CASP10: variants seen among roughly 807,000 people sequenced by gnomAD.
CASP10 encodes caspase-10.
Under a neutral mutation model 48.5 loss-of-function variants are expected in CASP10, and 41 were observed. The observed-to-expected ratio is 0.85, with a 90% CI of 0.66 to 1.10. The LOEUF (loss-of-function observed/expected upper bound fraction) is 1.10. CASP10 is among the 50% of genes least tolerant of loss of function. CASP10 has a pLI of 0.00. For missense variants in CASP10, 614 were observed against 614.5 expected, an observed-to-expected ratio of 1.00 and a Z score of 0.01; for synonymous variants, 232 against 238.4, an observed-to-expected ratio of 0.97 and a Z score of 0.25.
In CASP10 at chr2:201,220,070, G is replaced by C; in HGVS notation, c.*2329G>C. 1.0e-6 allele frequency: 1 copy of C among 985,390 alleles called. No individual in the cohort carries two copies. The allele number at this position is 985,390 out of a possible 1,614,324, so 61.0% of individuals were successfully genotyped here. ...AGTCAAATTCATGTACAGTAAATTT[G>C]TTATAAGAATATTCACAAGAACACT... On this transcript the variant is annotated 3_prime_UTR_variant, in exon 10 of 10. Coordinates refer to ENST00000286186, the MANE Select transcript of CASP10 (RefSeq NM_032977.4).
intron 3 of CASP10, among the ~76,000 whole-genome samples, chr2:201,189,457 C>T (rs1944531440): frequency 1.3e-5 from 2 of 151,686 alleles, no homozygotes; most frequent in South Asian, 4.1e-4. Context: ...TTAGTAGAGA[C>T]AGGGTTTCAT....
chr2:201,206,687 C>A (rs1945220155), intron 7 of CASP10, among the ~76,000 whole-genome samples: 1 of 151,058 alleles, frequency 6.6e-6, no homozygotes, highest in Non-Finnish European at 1.5e-5. Flanking sequence ...GTCCTGAACT[C>A]TCAGGCTCAA....
intron 9 of CASP10, among the ~76,000 whole-genome samples, chr2:201,209,805 A>ATCCG (rs1467661110): frequency 1.3e-5 from 2 of 151,738 alleles, no homozygotes; most frequent in Non-Finnish European, 1.5e-5. Context: ...CCATCCATCC[A>ATCCG]GCAACCTTGT....
intron 3 of CASP10, among the ~76,000 whole-genome samples, chr2:201,190,817 A>G (rs1326826606): frequency 6.6e-6 from 1 of 151,978 alleles, no homozygotes; most frequent in Non-Finnish European, 1.5e-5. Flanking sequence ...CACAGGTTCT[A>G]GAACTCTACT....
At chr2:201,186,524 C>A in intron 2 of CASP10, 1 of 199,794 alleles carries the variant, frequency 5.0e-6, no homozygotes. Context: ...GTGAAATAAG[C>A]AAGATGAAAA....
At chr2:201,205,318 G>A (rs1945164628) in intron 6 of CASP10, among the ~76,000 whole-genome samples, 1 of 150,372 alleles carries the variant, frequency 6.7e-6, no homozygotes, top group Non-Finnish European at 1.5e-5. Context: ...TTGACCCCTC[G>A]GACTCAGGTG....
chr2:201,218,096 T>C lies in CASP10; in HGVS notation c.*355T>C. On this transcript the variant is annotated 3_prime_UTR_variant, in exon 10 of 10. Coordinates refer to ENST00000286186, the MANE Select transcript of CASP10 (RefSeq NM_032977.4). ...GCCCGGATTTTTTTTATTCTTTATT[T>C]TTTGTAGAGATGGAGGGATCTCACT... 1.3e-6 allele frequency: 1 copy of C among 763,448 alleles called. No individual in the cohort carries two copies. Among genetic ancestry groups the C allele is most frequent in the Non-Finnish European group, 1.7e-6 (1 of 575,446 alleles). 47.3% of individuals were successfully genotyped at this position (763,448 alleles called of 1,614,324 possible). A position where few individuals can be genotyped will look rare whatever the true frequency, so the allele number is the denominator to read the frequency against.
In CASP10 at chr2:201,208,270, A is replaced by G. The variant is rs1576124009; in HGVS notation, c.922+87A>G. The G allele has an allele frequency of 5.3e-6, 8 of 1,508,534 alleles. No individual in the cohort carries two copies. In the South Asian group the frequency reaches 1.0e-4, roughly 20 times the overall value. The allele number at this position is 1,508,534 out of a possible 1,614,324, so 93.4% of individuals were successfully genotyped here. A position where few individuals can be genotyped will look rare whatever the true frequency, so the allele number is the denominator to read the frequency against. ...TTCACATTTTCTTTCTGTGACTTTTATCTTCCATATACGTGTAAGGATGAT... is the reference window on the plus strand; with the variant it reads ...TTCACATTTTCTTTCTGTGACTTTTGTCTTCCATATACGTGTAAGGATGAT... On this transcript the variant is annotated intron_variant, in intron 8 of 9. Transcript: ENST00000286186.
chr2:201,197,334 G>T (rs537017856), intron 5 of CASP10, among the ~76,000 whole-genome samples: 98 of 152,192 alleles, frequency 6.4e-4, no homozygotes, highest in South Asian at 1.9e-3. Flanking sequence ...ACAAGAGTTG[G>T]CCAGGCATGG....
In CASP10 at chr2:201,203,582, C is replaced by T. The variant is rs563893533; in HGVS notation, c.685-148C>T. On this transcript the variant is annotated intron_variant, in intron 5 of 9. Coordinates refer to ENST00000286186, the MANE Select transcript of CASP10 (RefSeq NM_032977.4). ...TTGGCCTCCCAAAGTGCTGGGATTA[C>T]AGGCATGAGCCACCGCAACCGGCCC... is the stretch of plus-strand genomic sequence containing the variant. 1.3e-5 allele frequency: 9 copies of T among 718,928 alleles called. No homozygotes were observed. In the Admixed American group the frequency reaches 1.4e-4, roughly 11 times the overall value. The allele number at this position is 718,928 out of a possible 1,614,324, so 44.5% of individuals were successfully genotyped here.
chr2:201,193,987 T>C (rs147077211), intron 4 of CASP10, among the ~76,000 whole-genome samples: 2 of 152,256 alleles, frequency 1.3e-5, no homozygotes, highest in African/African-American at 4.8e-5. Flanking sequence ...TGGCATGGAG[T>C]AAGCCTTCTA....
At chr2:201,186,846 C>T (rs570424898) in intron 2 of CASP10, among the ~76,000 whole-genome samples, 9 of 152,254 alleles carry the variant, frequency 5.9e-5, no homozygotes, top group African/African-American at 2.2e-4. Context: ...ACCACCACAC[C>T]TGGCTAATTT....
chr2:201,193,175 T>G, intron 4 of CASP10, 56 bp downstream of exon 4: 1 of 1,530,438 alleles, frequency 6.5e-7, no homozygotes, highest in Non-Finnish European at 9.0e-7. Flanking sequence ...TTAAACCAAT[T>G]GGCCATGCAT....
intron 9 of CASP10, chr2:201,213,233 G>C (rs1487872905): frequency 6.6e-6 from 1 of 152,168 alleles, no homozygotes; most frequent in Non-Finnish European, 1.5e-5. Context: ...ATAAGAAGTT[G>C]CGGACTTCTA....
chr2:201,200,600 C>G, intron 5 of CASP10: 2 of 1,517,670 alleles, frequency 1.3e-6, no homozygotes, highest in South Asian at 2.5e-5. Flanking sequence ...CTCTTCGGCT[C>G]TGCCCTGAAC....
downstream of CASP10, among the ~76,000 whole-genome samples, chr2:201,222,606 A>G (rs996362167): frequency 6.6e-6 from 1 of 152,200 alleles, no homozygotes; most frequent in Non-Finnish European, 1.5e-5. Context: ...TTATTTAACT[A>G]CTGGTGTTTA....
At chr2:201,195,629 A>AC (rs1944762690) in intron 4 of CASP10, among the ~76,000 whole-genome samples, 1 of 152,006 alleles carries the variant, frequency 6.6e-6, no homozygotes, top group Non-Finnish European at 1.5e-5. Context: ...TTTAAGGACC[A>AC]CCTGGCTAAC....
At chr2:201,196,112 C>A in intron 5 of CASP10, 164 bp downstream of exon 5, 1 of 594,388 alleles carries the variant, frequency 1.7e-6, no homozygotes, top group Non-Finnish European at 3.0e-6. Flanking sequence ...TGATATCAAC[C>A]AGAGTGCACA....
chr2:201,215,206 C>T lies in CASP10; in HGVS notation c.1416-2382C>T, dbSNP rs370042927. Among the ~76,000 whole-genome samples, 450 of 129,486 alleles carry T rather than the reference C, an allele frequency of 3.5e-3. 2 individuals carry two copies. Among genetic ancestry groups the T allele is most frequent in the African/African-American group, 0.012 (417 of 34,086 alleles). 84.9% of individuals were successfully genotyped at this position (129,486 alleles called of 152,430 possible). A position where few individuals can be genotyped will look rare whatever the true frequency, so the allele number is the denominator to read the frequency against. ...TTCCTATTTTGTAGGTTGTCTCTTCCCTCGGTTTTTTTTTTTTTTTTTTTT... is the reference window on the plus strand; with the variant it reads ...TTCCTATTTTGTAGGTTGTCTCTTCTCTCGGTTTTTTTTTTTTTTTTTTTT... On this transcript the variant is annotated intron_variant, in intron 9 of 9. Transcript: ENST00000286186.
Sources: allele counts gnomAD v4.1 joint callset (sites outside exome capture counted in the v4.1 genomes callset), GRCh38; gene constraint gnomAD v4.1.1; transcripts MANE v1.5; gene names NCBI Gene and HGNC (gene_info 2026-07-23, HGNC 2026-07-21).